Variants in ITIH2 observed in about 807,000 individuals in gnomAD.
ITIH2 encodes the protein inter-alpha-trypsin inhibitor heavy chain 2.
A neutral mutation model predicts 104.4 loss-of-function variants in ITIH2; 103 were observed. The observed-to-expected ratio is 0.99, with a 90% CI of 0.84 to 1.16. The LOEUF (loss-of-function observed/expected upper bound fraction) is 1.16. Ranked by LOEUF, ITIH2 falls within the 50% of genes most tolerant of loss-of-function variation. ITIH2 has a pLI of 0.00. For missense variants in ITIH2, 1,108 were observed against 1,162.4 expected (o/e 0.95, Z 0.68); for synonymous variants, 436 against 435.4 (o/e 1.00, Z -0.02).
At chr10:7,737,678 T>TATA (rs754418959) in intron 15 of ITIH2, among the ~76,000 whole-genome samples, 3,298 of 14,912 alleles carry the variant, frequency 0.22, 772 homozygotes, top group Non-Finnish European at 0.26. Flanking sequence ...TATTCTATAT[T>TATA]TTCTATATTA....
rs149797539 is a variant in ITIH2 at position 7,728,420 on chromosome 10, C to T, written c.1279+592C>T. On this transcript the variant is annotated intron_variant, in intron 11 of 20. Transcript: ENST00000358415. ...TTTTGAAGACAGGGTCTTGCTCTGTCACCCAGGAGGGAGTGCAGTGGAGCA... is the reference window on the plus strand; with the variant it reads ...TTTTGAAGACAGGGTCTTGCTCTGTTACCCAGGAGGGAGTGCAGTGGAGCA... Among the ~76,000 whole-genome samples, 52 of 152,250 alleles carry T rather than the reference C, an allele frequency of 3.4e-4. 1 individual carries two copies. The highest frequency in any genetic ancestry group is 1.2e-3 in the African/African-American group (51 of 41,550).
intron 4 of ITIH2, among the ~76,000 whole-genome samples, chr10:7,711,729 T>C (rs111285523): frequency 5.9e-5 from 9 of 152,278 alleles, no homozygotes; most frequent in African/African-American, 2.2e-4. Flanking sequence ...AGGAAAATTC[T>C]TCAGTGGAGC....
chr10:7,721,522 C>G, intron 7 of ITIH2, 127 bp from the exon 8 acceptor site: 7 of 800,892 alleles, frequency 8.7e-6, no homozygotes, highest in Non-Finnish European at 1.2e-5. Flanking sequence ...GTAATGGGTC[C>G]ACCGATATCG....
intron 5 of ITIH2, among the ~76,000 whole-genome samples, chr10:7,714,952 G>T (rs1834834015): frequency 6.6e-6 from 1 of 152,144 alleles, no homozygotes; most frequent in African/African-American, 2.4e-5. Flanking sequence ...TTTTATAACA[G>T]TGACTTGGGC....
At chr10:7,716,835 G>A (rs983910520) in intron 5 of ITIH2, among the ~76,000 whole-genome samples, 1 of 151,700 alleles carries the variant, frequency 6.6e-6, no homozygotes, top group Non-Finnish European at 1.5e-5. Flanking sequence ...CCTATAGTGA[G>A]CCTCAAATGC....
At position 7,742,963 on chromosome 10, in the gene ITIH2, G is replaced by A. The variant is rs79214095; in HGVS notation, c.2096-183G>A. ...AACATAGGGTTCTGAAGAAGGCTCC[G>A]TGACAAAGGGACAATGGAGTATGAA... On this transcript the variant is annotated intron_variant, in intron 16 of 20. Transcript: ENST00000358415. 9.3e-3 allele frequency among the ~76,000 whole-genome samples: 1,413 copies of A among 152,172 alleles called. 20 individuals carry two copies. The highest frequency in any genetic ancestry group is 0.033 in the African/African-American group (1,354 of 41,498).
In ITIH2 at chr10:7,717,604, T is replaced by G. The variant is rs369690391; in HGVS notation, c.468-22T>G. 104 of 1,606,584 alleles carry G rather than the reference T, an allele frequency of 6.5e-5. No individual in the cohort carries two copies. In the African/African-American group the frequency reaches 1.1e-3, roughly 17 times the overall value. On this transcript the variant is annotated intron_variant, in intron 5 of 20. Transcript: ENST00000358415. ...GCTCAATCATGTATCTGTTGACTTT[T>G]GTTGGGGGCTTTCACCTTTAGGAGC...
Position 7,710,962 on chromosome 10 carries a change from T to A in ITIH2, c.362+1771T>A, listed in dbSNP as rs932116419. On this transcript the variant is annotated intron_variant, in intron 4 of 20. Coordinates refer to ENST00000358415, the MANE Select transcript of ITIH2 (RefSeq NM_002216.3). ...TTTACTTTAAGTTCTGGGATACGTG[T>A]GCAGAATGTATAGGTTTGTTACATA... is the stretch of plus-strand genomic sequence containing the variant. 6.4e-4 allele frequency among the ~76,000 whole-genome samples: 98 copies of A among 152,044 alleles called. 1 individual carries two copies. The highest frequency in any genetic ancestry group is 1.4e-3 in the Non-Finnish European group (93 of 68,012).
intron 18 of ITIH2, 67 bp from the exon 19 acceptor site, chr10:7,744,724 G>C: frequency 7.3e-7 from 1 of 1,368,610 alleles, no homozygotes; most frequent in South Asian, 1.4e-5. Context: ...TATTAGGGGT[G>C]AGAAGAATGA....
intron 16 of ITIH2, among the ~76,000 whole-genome samples, chr10:7,740,661 G>A (rs1395503419): frequency 6.6e-6 from 1 of 152,218 alleles, no homozygotes; most frequent in Non-Finnish European, 1.5e-5. Context: ...GTTGTATGAT[G>A]TAGTGAAAAG....
intron 14 of ITIH2, 67 bp from the exon 15 acceptor site, chr10:7,734,855 G>A: frequency 7.1e-7 from 1 of 1,412,376 alleles, no homozygotes. Context: ...TGCAGGGTCA[G>A]GGAGCTGACT....
At chr10:7,734,256 A>T (rs1023857991) in intron 14 of ITIH2, among the ~76,000 whole-genome samples, 1 of 152,076 alleles carries the variant, frequency 6.6e-6, no homozygotes, top group African/African-American at 2.4e-5. Flanking sequence ...CAAATGCACC[A>T]CTCTGATGTG....
intron 5 of ITIH2, among the ~76,000 whole-genome samples, chr10:7,715,802 C>T (rs1197495668): frequency 6.6e-6 from 1 of 152,154 alleles, no homozygotes; most frequent in African/African-American, 2.4e-5. Flanking sequence ...AGTGCAGTGG[C>T]GTGATCTCGC....
chr10:7,709,655 A>T (rs1414837234), intron 4 of ITIH2, among the ~76,000 whole-genome samples: 2 of 152,094 alleles, frequency 1.3e-5, no homozygotes, highest in Admixed American at 6.5e-5. Flanking sequence ...GTGTGTGATG[A>T]TTTCCTTGAT....
chr10:7,744,077 T>A lies in ITIH2; in HGVS notation c.2210-5T>A. 5.6e-6 allele frequency: 9 copies of A among 1,611,920 alleles called. No individual in the cohort carries two copies. The highest frequency in any genetic ancestry group is 7.6e-6 in the Non-Finnish European group (9 of 1,178,264). ...GAGAAAACATCATTTTTTTCTTTCC[T>A]GTAGGAATTGTAGTCAACGGTCAGC... On this transcript the variant is annotated splice_region_variant and splice_polypyrimidine_tract_variant and intron_variant, in intron 17 of 20. Transcript: ENST00000358415.
In ITIH2 at chr10:7,746,620, A is replaced by C; in HGVS notation, c.2609A>C (p.His870Pro). Reference sequence around the variant, plus strand: ...CAGTTCATGCAGGAACCAAAGATACACATCTTCAATGAGAGACCAGGAAAG... The same window carrying C: ...CAGTTCATGCAGGAACCAAAGATACCCATCTTCAATGAGAGACCAGGAAAG... The part of the protein sequence containing the change: ...IGQFMQEPKI[H>P]IFNERPGKDP... Residue 870 changes from histidine to proline, a missense_variant, in exon 20 of 21, where the codon CAC becomes CCC. By Grantham distance (77) the His-to-Pro change is moderately conservative. Coordinates refer to ENST00000358415, the MANE Select transcript of ITIH2 (RefSeq NM_002216.3). 2 of 1,613,506 alleles carry C rather than the reference A, an allele frequency of 1.2e-6. No individual in the cohort carries two copies. Among genetic ancestry groups the C allele is most frequent in the Non-Finnish European group, 1.7e-6 (2 of 1,179,496 alleles).
intron 2 of ITIH2, among the ~76,000 whole-genome samples, chr10:7,706,981 C>T (rs910595146): frequency 2.6e-5 from 4 of 152,096 alleles, no homozygotes; most frequent in Non-Finnish European, 5.9e-5. Flanking sequence ...AAGAATGACA[C>T]ACACGCCACC....
At chr10:7,745,262 AG>A (rs1835165758) in intron 19 of ITIH2, among the ~76,000 whole-genome samples, 1 of 152,208 alleles carries the variant, frequency 6.6e-6, no homozygotes, top group Non-Finnish European at 1.5e-5. Flanking sequence ...GAACCCATTT[AG>A]GAGGTCTGTG....
Position 7,749,476 on chromosome 10 carries a change from T to C in ITIH2, c.*142T>C. ...ATGAACCAGATATCAGGGTGGTTTA[T>C]AAAGCCTGTAAACACACCTAAGAAA... On this transcript the variant is annotated 3_prime_UTR_variant, in exon 21 of 21. Coordinates refer to ENST00000358415, the MANE Select transcript of ITIH2 (RefSeq NM_002216.3). 1 of 657,090 alleles carries C rather than the reference T, an allele frequency of 1.5e-6. No homozygotes were observed. The highest frequency in any genetic ancestry group is 3.0e-5 in the Admixed American group (1 of 33,766). The allele number at this position is 657,090 out of a possible 1,614,324, so 40.7% of individuals were successfully genotyped here.
Sources: allele counts gnomAD v4.1 joint callset (sites outside exome capture counted in the v4.1 genomes callset), GRCh38; gene constraint gnomAD v4.1.1; transcripts MANE v1.5; gene names NCBI Gene and HGNC (gene_info 2026-07-23, HGNC 2026-07-21).